The following SPTA1 variants were observed in gnomAD, a reference collection of about 807,000 sequenced individuals.
SPTA1 encodes spectrin alpha, erythrocytic 1.
A neutral mutation model predicts 324.7 loss-of-function variants in SPTA1; 177 were observed. The ratio of observed to expected loss-of-function variants is 0.55; its 90% CI spans 0.48 to 0.62. SPTA1 has a LOEUF of 0.62. Among genes scored for constraint, SPTA1 ranks in the 20% least tolerant of loss-of-function variants. SPTA1 has a pLI of 0.00. For synonymous variants in SPTA1, 1,195 were observed against 1,041.3 expected, an observed-to-expected ratio of 1.15 and a Z score of -2.84; for missense variants, 3,162 against 2,883.6, an observed-to-expected ratio of 1.10 and a Z score of -2.21.
Position 158,685,324 on chromosome 1 carries a change from C to G in SPTA1, c.48G>C (p.Lys16Asn). 2 of 1,613,554 alleles carry G rather than the reference C, an allele frequency of 1.2e-6. No individual in the cohort carries two copies. Among genetic ancestry groups the G allele is most frequent in the Non-Finnish European group, 1.7e-6 (2 of 1,179,778 alleles). Residue 16 changes from lysine (K) to asparagine (N), a missense_variant, in exon 2 of 52, where the codon AAG becomes AAC. Physicochemically the swap from Lys to Asn is moderately conservative, Grantham distance 94. Coordinates refer to ENST00000643759, the MANE Select transcript of SPTA1 (RefSeq NM_003126.4). The part of the protein sequence containing the change: ...KETVVESSGP[K>N]VLETAEEIQE... ...GGATCTCTTCTGCTGTTTCCAAAAC[C>G]TTTGGCCCACTGCTCTCCACAACCT...
At chr1:158,653,921 A>G (rs1652642788) in intron 21 of SPTA1, among the ~76,000 whole-genome samples, 1 of 152,174 alleles carries the variant, frequency 6.6e-6, no homozygotes. Flanking sequence ...CAAAACCCTG[A>G]GGCTAATTTC....
intron 43 of SPTA1, 140 bp downstream of exon 43, chr1:158,622,843 T>G (rs1436479609): frequency 1.2e-6 from 1 of 855,516 alleles, no homozygotes; most frequent in African/African-American, 1.7e-5. Context: ...TTTTGCTCAG[T>G]AAGAATGTCT....
intron 20 of SPTA1, among the ~76,000 whole-genome samples, chr1:158,655,399 A>G (rs1411720480): frequency 6.6e-6 from 1 of 151,782 alleles, no homozygotes; most frequent in Non-Finnish European, 1.5e-5. Flanking sequence ...TGAGAAATCA[A>G]GCAAAACATA....
rs763122323 is a variant in SPTA1 at position 158,654,575 on chromosome 1, C to G, written c.3036+36G>C. Reference sequence around the variant, plus strand: ...ATTGGGAGAGATGGTTCTGAAAGAGCCACTTTTTGATGGAAAGATTAGAAG... The same window carrying G: ...ATTGGGAGAGATGGTTCTGAAAGAGGCACTTTTTGATGGAAAGATTAGAAG... On this transcript the variant is annotated intron_variant, in intron 21 of 51. Transcript: ENST00000643759. The G allele has an allele frequency of 5.0e-6, 8 of 1,613,476 alleles. No homozygotes were observed. The East Asian group carries it at 1.3e-4, about 27-fold the overall frequency.
chr1:158,629,136 TGATA>T (rs141591922), intron 39 of SPTA1, among the ~76,000 whole-genome samples: 51,982 of 150,426 alleles, frequency 0.35, 9,639 homozygotes, highest in African/African-American at 0.48. Context: ...GATAGATAGA[TGATA>T]GATAGATAGA....
At chr1:158,665,286 C>T (rs1341755111) in intron 16 of SPTA1, among the ~76,000 whole-genome samples, 1 of 152,062 alleles carries the variant, frequency 6.6e-6, no homozygotes, top group African/African-American at 2.4e-5. Flanking sequence ...ATGATTTTTC[C>T]TACTCCAGTC....
At chr1:158,643,496 C>T (rs760764588) in intron 30 of SPTA1, 71 bp from the exon 31 acceptor site, 25 of 1,417,234 alleles carry the variant, frequency 1.8e-5, no homozygotes, top group Non-Finnish European at 2.5e-5. Context: ...AGACTCCCTC[C>T]TAGAAAAGAA....
Position 158,613,704 on chromosome 1 carries a change from C to G in SPTA1, c.6989+17G>C. The stretch of plus-strand genomic sequence containing the variant: ...CCCCCATCCCTGCTGCGGTCTGACC[C>G]TTAGTCTTGTTCCTACCTCCCTGGA... On this transcript the variant is annotated intron_variant, in intron 50 of 51. Transcript: ENST00000643759. The G allele has an allele frequency of 1.2e-6, 2 of 1,613,602 alleles. No homozygotes were observed. The highest frequency in any genetic ancestry group is 1.7e-6 in the Non-Finnish European group (2 of 1,179,702).
intron 39 of SPTA1, among the ~76,000 whole-genome samples, chr1:158,630,700 C>A (rs1369308288): frequency 1.3e-5 from 2 of 151,912 alleles, no homozygotes; most frequent in African/African-American, 4.8e-5. Flanking sequence ...AGTGAAAAGG[C>A]AGCCCACTGA....
chr1:158,641,433 A>T (rs536300517), intron 33 of SPTA1, among the ~76,000 whole-genome samples: 1 of 152,338 alleles, frequency 6.6e-6, no homozygotes, highest in African/African-American at 2.4e-5. Flanking sequence ...TAATATCCAG[A>T]ATCTACAATG....
Position 158,653,388 on chromosome 1 carries a change from A to G in SPTA1, c.3074T>C (p.Ile1025Thr). 1.2e-6 allele frequency: 2 copies of G among 1,614,112 alleles called. No homozygotes were observed. Among genetic ancestry groups the G allele is most frequent in the South Asian group, 1.1e-5 (1 of 91,082 alleles). ...TCTTCTGACATAGACAGCTGGGACA[A>G]TGCCCTGATGATCAGCAGCTTCCAC... ...WKVEAADHQG[I>T]VPAVYVRRLA... Residue 1025 changes from isoleucine (I) to threonine (T), a missense_variant, in exon 22 of 52, where the codon ATT becomes ACT. Coordinates refer to ENST00000643759, the MANE Select transcript of SPTA1 (RefSeq NM_003126.4).
chr1:158,650,578 C>G (rs190220771), intron 24 of SPTA1, among the ~76,000 whole-genome samples: 1 of 152,190 alleles, frequency 6.6e-6, no homozygotes, highest in Admixed American at 6.5e-5. Flanking sequence ...TTCTTCAGCA[C>G]GTTGATCAGA....
chr1:158,619,176 ATGG>A, intron 45 of SPTA1, 43 bp downstream of exon 45: 1 of 1,547,950 alleles, frequency 6.5e-7, no homozygotes, highest in East Asian at 2.2e-5. Flanking sequence ...CCTATGGCAA[ATGG>A]TGGTGGCACA....
At chr1:158,614,490 A>G (rs902827549) in intron 48 of SPTA1, 184 bp from the exon 49 acceptor site, 1 of 558,536 alleles carries the variant, frequency 1.8e-6, no homozygotes, top group Non-Finnish European at 3.2e-6. Flanking sequence ...TGTACAGTCC[A>G]TGAGCCAAGA....
Position 158,611,308 on chromosome 1 carries a change from C to T in SPTA1, c.7216G>A (p.Gly2406Ser), listed in dbSNP as rs1397946108. 2 of 1,613,822 alleles carry T rather than the reference C, an allele frequency of 1.2e-6. No individual in the cohort carries two copies. Among genetic ancestry groups the T allele is most frequent in the Non-Finnish European group, 1.7e-6 (2 of 1,179,816 alleles). The change falls in exon 52 of 52, where the codon GGC (glycine) becomes AGC (serine). Residue 2406 changes from glycine to serine, a missense_variant. By Grantham distance (56) the Gly-to-Ser change is moderately conservative. Transcript: ENST00000643759. ...MDPRGRSHLS[G>S]YDYVGFTNSY... ...TTGGTGAAGCCAACGTAGTCATAGC[C>T]AGAGAGATGGCTTCGACCCCGTGGG...
chr1:158,623,286 A>G, intron 42 of SPTA1, 94 bp from the exon 43 acceptor site: 2 of 1,051,976 alleles, frequency 1.9e-6, no homozygotes. Context: ...AGATAAGGCT[A>G]GGCAAGAATT....
intron 18 of SPTA1, among the ~76,000 whole-genome samples, chr1:158,659,605 T>TTTTTTTTTTTTTA (rs1653064824): frequency 9.9e-6 from 1 of 100,996 alleles, no homozygotes; most frequent in Non-Finnish European, 2.2e-5. Flanking sequence ...ATTTTTTTTT[T>TTTTTTTTTTTTTA]TTTTTTTTTT....
In SPTA1 at chr1:158,611,126, C is replaced by G. The variant is rs1176158517; in HGVS notation, c.*138G>C. ...ACAATAAATGTAATATGCACACAAACACAAGCACACACACACACACACACA... is the reference window on the plus strand; with the variant it reads ...ACAATAAATGTAATATGCACACAAAGACAAGCACACACACACACACACACA... On this transcript the variant is annotated 3_prime_UTR_variant, in exon 52 of 52. Transcript: ENST00000643759. 1.4e-5 allele frequency: 15 copies of G among 1,067,694 alleles called. No individual in the cohort carries two copies. Among genetic ancestry groups the G allele is most frequent in the Non-Finnish European group, 2.0e-5 (15 of 739,646 alleles). The allele number at this position is 1,067,694 out of a possible 1,614,324, so 66.1% of individuals were successfully genotyped here. A position where few individuals can be genotyped will look rare whatever the true frequency, so the allele number is the denominator to read the frequency against.
At chr1:158,643,472 C>A (rs375134606) in intron 30 of SPTA1, 47 bp from the exon 31 acceptor site, 8 of 1,568,792 alleles carry the variant, frequency 5.1e-6, no homozygotes, top group Non-Finnish European at 7.0e-6. Flanking sequence ...AGATTAGGCT[C>A]TTGGTGCAAT....
Sources: gnomAD v4.1 joint callset for allele counts (sites outside exome capture counted in the v4.1 genomes callset) on GRCh38, gnomAD v4.1.1 for gene constraint, MANE v1.5 for transcripts, NCBI Gene and HGNC (gene_info 2026-07-23, HGNC 2026-07-21) for gene names.